Variants in SSH2 observed in about 807,000 individuals in gnomAD.
SSH2 encodes the protein protein phosphatase Slingshot homolog 2.
A neutral mutation model predicts 135.2 loss-of-function variants in SSH2; 37 were observed. The observed-to-expected ratio is 0.27, with a 90% CI of 0.21 to 0.36. SSH2 has a LOEUF of 0.36. Among genes scored for constraint, SSH2 ranks in the 10% least tolerant of loss-of-function variants. The pLI is 1.00. For synonymous variants in SSH2, 628 were observed against 646.2 expected (o/e 0.97, Z 0.43); for missense variants, 1,408 against 1,765.3 (o/e 0.80, Z 3.63).
At chr17:29,920,522 T>C (rs2066957815) in intron 1 of SSH2, among the ~76,000 whole-genome samples, 1 of 152,168 alleles carries the variant, frequency 6.6e-6, no homozygotes. Flanking sequence ...TATACCTGAA[T>C]TAAGTATTTG....
chr17:29,911,807 A>C (rs542400466), intron 1 of SSH2, among the ~76,000 whole-genome samples: 1 of 152,326 alleles, frequency 6.6e-6, no homozygotes, highest in South Asian at 2.1e-4. Flanking sequence ...ATGGAAGGAA[A>C]ATATATTGTT....
At chr17:29,653,213 T>C (rs1283630059) in intron 12 of SSH2, among the ~76,000 whole-genome samples, 1 of 152,194 alleles carries the variant, frequency 6.6e-6, no homozygotes, top group Non-Finnish European at 1.5e-5. Context: ...GGAAATGGCC[T>C]TAATGTCAAA....
At chr17:29,667,688 C>T (rs1038941619) in intron 9 of SSH2, among the ~76,000 whole-genome samples, 1 of 152,164 alleles carries the variant, frequency 6.6e-6, no homozygotes, top group African/African-American at 2.4e-5. Flanking sequence ...GACTTAAGAG[C>T]CCTTCCATCC....
At chr17:29,666,793 T>C (rs1452624982) in intron 11 of SSH2, 74 bp downstream of exon 11, 7 of 1,410,124 alleles carry the variant, frequency 5.0e-6, no homozygotes, top group Non-Finnish European at 5.8e-6. Context: ...ATAATAAAAT[T>C]TAATAATTAC....
At chr17:29,907,710 A>G (rs554415005) in intron 1 of SSH2, among the ~76,000 whole-genome samples, 1 of 152,322 alleles carries the variant, frequency 6.6e-6, no homozygotes, top group Non-Finnish European at 1.5e-5. Flanking sequence ...GCTATTCTTC[A>G]TCAATATCTG....
At chr17:29,670,356 T>C (rs2037442935) in intron 9 of SSH2, among the ~76,000 whole-genome samples, 1 of 152,172 alleles carries the variant, frequency 6.6e-6, no homozygotes, top group Non-Finnish European at 1.5e-5. Context: ...AACCTTTATC[T>C]TTTCAATTAC....
chr17:29,778,647 T>A (rs530308158), intron 3 of SSH2, among the ~76,000 whole-genome samples: 116 of 130,802 alleles, frequency 8.9e-4, no homozygotes, highest in Middle Eastern at 3.9e-3. Context: ...TCTAAAAAAA[T>A]AAATAAATAA....
At chr17:29,711,095 G>T (rs2039416445) in intron 3 of SSH2, among the ~76,000 whole-genome samples, 1 of 152,148 alleles carries the variant, frequency 6.6e-6, no homozygotes, top group Non-Finnish European at 1.5e-5. Context: ...TGGGCCACAT[G>T]AGTAAACCAA....
chr17:29,710,548 C>T (rs1332645290), intron 3 of SSH2, among the ~76,000 whole-genome samples: 1 of 152,238 alleles, frequency 6.6e-6, no homozygotes, highest in African/African-American at 2.4e-5. Context: ...GATAAGCCTT[C>T]TCTGCTTCGT....
rs535506558 is a variant in SSH2 at position 29,851,602 on chromosome 17, T to TTAA, written c.64-2676_64-2674dup. Among the ~76,000 whole-genome samples the TTAA allele has an allele frequency of 8.6e-5, 13 of 151,036 alleles. No homozygotes were observed. In the East Asian group the frequency reaches 9.7e-4, roughly 11 times the overall value. On this transcript the variant is annotated intron_variant, in intron 1 of 15. Coordinates refer to ENST00000540801, the MANE Select transcript of SSH2 (RefSeq NM_001282129.2). Reference sequence around the variant, plus strand: ...GAGCGAAACGCCATCTCAAAAAAAATTAATAATAATAATAATAATGATAAA... The same window carrying TTAA: ...GAGCGAAACGCCATCTCAAAAAAAATTAATAATAATAATAATAATAATGATAAA...
At chr17:29,752,985 C>G (rs1001968293) in intron 3 of SSH2, among the ~76,000 whole-genome samples, 2 of 152,130 alleles carry the variant, frequency 1.3e-5, no homozygotes, top group Non-Finnish European at 2.9e-5. Flanking sequence ...TGGATAATCT[C>G]AGACAAGTTA....
At chr17:29,711,276 A>G (rs1182678246) in intron 3 of SSH2, among the ~76,000 whole-genome samples, 2 of 152,190 alleles carry the variant, frequency 1.3e-5, no homozygotes, top group African/African-American at 2.4e-5. Flanking sequence ...TGAAGGGGGG[A>G]AAAAGGATCT....
chr17:29,703,129 C>T (rs754058250), intron 3 of SSH2, 67 bp from the exon 4 acceptor site: 9 of 1,114,068 alleles, frequency 8.1e-6, no homozygotes, highest in Non-Finnish European at 1.2e-5. Context: ...GGATGGATAA[C>T]CACTTTTGGA....
rs2065495112 is a variant in SSH2 at position 29,848,897 on chromosome 17, T to C, written c.96A>G (p.Ala32=). 6.5e-7 allele frequency: 1 copy of C among 1,534,866 alleles called. No individual in the cohort carries two copies. Among genetic ancestry groups the C allele is most frequent in the Non-Finnish European group, 8.7e-7 (1 of 1,146,278 alleles). ...SSHLEDSESA[A]LLCCECEESE... ...ATTCTTCACATTCACAGCAAAGTAA[T>C]GCTGCTGATTCACTGTCTTCCAAAT... Residue 32 remains alanine, a synonymous_variant, in exon 2 of 16, where the codon GCA becomes GCG. Coordinates refer to ENST00000540801, the MANE Select transcript of SSH2 (RefSeq NM_001282129.2).
chr17:29,812,968 GA>G (rs1184125954), intron 2 of SSH2, among the ~76,000 whole-genome samples: 1 of 150,298 alleles, frequency 6.7e-6, no homozygotes, highest in Non-Finnish European at 1.5e-5. Flanking sequence ...AGAGGGAGAA[GA>G]AAAAATAAAA....
intron 3 of SSH2, chr17:29,776,566 T>C (rs1259839595): frequency 4.6e-5 from 7 of 152,260 alleles, no homozygotes; most frequent in Non-Finnish European, 1.0e-4. Flanking sequence ...CCACCAGCTT[T>C]GTAAAGTTGA....
intron 2 of SSH2, among the ~76,000 whole-genome samples, chr17:29,808,190 G>A (rs1027860475): frequency 6.6e-6 from 1 of 152,108 alleles, no homozygotes; most frequent in East Asian, 1.9e-4. Flanking sequence ...GTGCAGTGGC[G>A]CAATTTCGGC....
intron 1 of SSH2, among the ~76,000 whole-genome samples, chr17:29,902,916 T>C (rs989953953): frequency 6.6e-6 from 1 of 152,148 alleles, no homozygotes; most frequent in African/African-American, 2.4e-5. Flanking sequence ...CCAGGCACAG[T>C]GGCTCACACC....
intron 1 of SSH2, among the ~76,000 whole-genome samples, chr17:29,905,743 C>T (rs2066641933): frequency 1.3e-5 from 2 of 152,176 alleles, no homozygotes; most frequent in South Asian, 4.1e-4. Flanking sequence ...GGCTGGGCTG[C>T]CAGTCCCATG....
Sources: allele counts gnomAD v4.1 joint callset (sites outside exome capture counted in the v4.1 genomes callset), GRCh38; gene constraint gnomAD v4.1.1; transcripts MANE v1.5; gene names NCBI Gene and HGNC (gene_info 2026-07-23, HGNC 2026-07-21).